Variants in MCM5 observed in about 807,000 individuals in gnomAD.
The protein encoded by MCM5 is DNA replication licensing factor MCM5.
In MCM5, 46 loss-of-function variants were observed where a neutral mutation model predicts 79.9. That is an observed-to-expected ratio of 0.58 (90% CI 0.45 to 0.74). The LOEUF (loss-of-function observed/expected upper bound fraction) is 0.74, where lower values mean the gene tolerates loss of function less well. Ranked by LOEUF, MCM5 falls within the 30% of genes least tolerant of loss-of-function variation. MCM5 has a pLI of 0.00. For synonymous variants in MCM5, 404 were observed against 390.5 expected (o/e 1.03, Z -0.41); for missense variants, 883 against 1,017.0 (o/e 0.87, Z 1.79).
chr22:35,454,892 A>C, the MCM5 span, among the ~76,000 whole-genome samples: 1 of 152,166 alleles, frequency 6.6e-6, no homozygotes, highest in African/African-American at 2.4e-5. Flanking sequence ...TGCCAGTAGC[A>C]TCCTTCAGTT....
chr22:35,438,828 TATTC>T, the MCM5 span, among the ~76,000 whole-genome samples: 1 of 91,802 alleles, frequency 1.1e-5, no homozygotes, highest in East Asian at 4.1e-4. Flanking sequence ...TCCATCCACA[TATTC>T]ATCCATTCAC....
rs779644537 is a variant in MCM5 at position 35,419,888 on chromosome 22, T to C, written c.1708T>C (p.Cys570Arg). ...CCTCTCCCCACTGTCCTGCAGGAAG[T>C]GTGGCCCCCGGCTGTCAGCAGAGGC... is the stretch of plus-strand genomic sequence containing the variant. ...KKFIAYCRVK[C>R]GPRLSAEAAE... is the part of the protein sequence containing the mutation. Residue 570 changes from cysteine (C) to arginine (R), a missense_variant, in exon 14 of 17, where the codon TGT (cysteine) becomes CGT (arginine). Cys to Arg is a radical substitution (Grantham distance 180). Around this residue, in one of 3 missense-constraint regions of MCM5, gnomAD observed 426 missense variants for 482.3 expected, o/e 0.88. Transcript: ENST00000216122. The C allele has an allele frequency of 6.2e-7, 1 of 1,611,258 alleles. No individual in the cohort carries two copies. Among genetic ancestry groups the C allele is most frequent in the Admixed American group, 1.7e-5 (1 of 59,726 alleles).
the MCM5 span, among the ~76,000 whole-genome samples, chr22:35,438,559 T>TCCATC: frequency 1.2e-5 from 1 of 82,804 alleles, no homozygotes; most frequent in Non-Finnish European, 2.2e-5. Context: ...ACTCACATAT[T>TCCATC]CATCCATCCA....
chr22:35,410,713 T>A, intron 6 of MCM5, 31 bp from the exon 7 acceptor site: 1 of 1,608,646 alleles, frequency 6.2e-7, no homozygotes, highest in Non-Finnish European at 8.5e-7. Context: ...GAATCTCAGC[T>A]TTTCTCCTTT....
chr22:35,430,192 T>G (rs940313035), downstream of MCM5, among the ~76,000 whole-genome samples: 5 of 152,190 alleles, frequency 3.3e-5, no homozygotes, highest in Non-Finnish European at 7.3e-5. Context: ...TTACACAGGG[T>G]GACGGAGTCC....
chr22:35,412,438 C>T (rs1446433801), intron 7 of MCM5, 72 bp from the exon 8 acceptor site: 19 of 1,316,170 alleles, frequency 1.4e-5, no homozygotes, highest in Non-Finnish European at 1.8e-5. Flanking sequence ...GGTCCCTGAG[C>T]TGGTGCCAGG....
At chr22:35,410,539 C>T in intron 6 of MCM5, 2 of 567,728 alleles carry the variant, frequency 3.5e-6, no homozygotes, top group Non-Finnish European at 3.2e-6. Flanking sequence ...CAACACCATC[C>T]TCCAAGCAGC....
At chr22:35,439,794 C>T in the MCM5 span, among the ~76,000 whole-genome samples, 1 of 152,156 alleles carries the variant, frequency 6.6e-6, no homozygotes, top group South Asian at 2.1e-4. Context: ...CCCCATTTTC[C>T]CCATCTGAAA....
intron 11 of MCM5, 47 bp from the exon 12 acceptor site, chr22:35,416,591 G>A: frequency 7.0e-7 from 1 of 1,422,582 alleles, no homozygotes; most frequent in Admixed American, 1.7e-5. Context: ...ATATAAGAAG[G>A]CATCTTTGCC....
chr22:35,408,270 T>C (rs773422697), intron 5 of MCM5, 138 bp from the exon 6 acceptor site: 15 of 708,658 alleles, frequency 2.1e-5, no homozygotes, highest in Non-Finnish European at 3.5e-5. Flanking sequence ...GTTGCCTGCC[T>C]GGCTTATCTC....
Position 35,416,658 on chromosome 22 carries a change from G to T in MCM5, c.1434G>T (p.Leu478=). Residue 478 remains leucine, a synonymous_variant, in exon 12 of 17, where the codon CTG becomes CTT. Coordinates refer to ENST00000216122, the MANE Select transcript of MCM5 (RefSeq NM_006739.4). ...GTTAGGCTGGGATCACCACCACCCT[G>T]AACTCCCGCTGCTCCGTCCTGGCTG... is the stretch of plus-strand genomic sequence containing the variant. The part of the protein sequence containing the change: ...SIAKAGITTT[L]NSRCSVLAAA... 1 of 1,613,714 alleles carries T rather than the reference G, an allele frequency of 6.2e-7. No individual in the cohort carries two copies.
intron 1 of MCM5, 97 bp downstream of exon 1, chr22:35,400,305 G>T: frequency 2.0e-6 from 2 of 986,514 alleles, no homozygotes; most frequent in East Asian, 2.4e-5. Context: ...GGGAACTGGG[G>T]TTGGAGTCCG....
chr22:35,413,346 A>G (rs1036682204), intron 8 of MCM5, among the ~76,000 whole-genome samples: 24 of 152,282 alleles, frequency 1.6e-4, no homozygotes, highest in African/African-American at 5.8e-4. Context: ...ACCCGGCCGC[A>G]CAGGCATTCT....
intron 2 of MCM5, chr22:35,401,237 T>C: frequency 5.3e-6 from 2 of 374,226 alleles, no homozygotes; most frequent in South Asian, 3.9e-5. Context: ...CAGATCTTGT[T>C]CCTGTTCATC....
In MCM5 at chr22:35,424,402, A is replaced by G; in HGVS notation, c.*147A>G. ...CCCTCCTTTCTGCCCCAGAGGAAGG[A>G]GCTGTAGTGTCCTGCTGCCTCTGGG... is the stretch of plus-strand genomic sequence containing the variant. On this transcript the variant is annotated 3_prime_UTR_variant, in exon 17 of 17. Coordinates refer to ENST00000216122, the MANE Select transcript of MCM5 (RefSeq NM_006739.4). The G allele has an allele frequency of 3.2e-6, 2 of 623,738 alleles. No homozygotes were observed. The highest frequency in any genetic ancestry group is 5.5e-6 in the Non-Finnish European group (2 of 365,724). The allele number at this position is 623,738 out of a possible 1,614,324, so 38.6% of individuals were successfully genotyped here.
At position 35,400,456 on chromosome 22, in the gene MCM5, T is replaced by G; in HGVS notation, c.18T>G (p.Asp6Glu). The change falls in exon 2 of 17, where the codon GAT becomes GAG. Residue 6 changes from aspartate (D) to glutamate (E), a missense_variant. Coordinates refer to ENST00000216122, the MANE Select transcript of MCM5 (RefSeq NM_006739.4). Reference protein sequence around the residue: MSGFDDPGIFYSDSFG... With the variant: MSGFDEPGIFYSDSFG... ...GCGCAGTCATGTCGGGATTCGACGATCCTGGCATTTTCTACAGCGACAGCT... is the reference window on the plus strand; with the variant it reads ...GCGCAGTCATGTCGGGATTCGACGAGCCTGGCATTTTCTACAGCGACAGCT... 6.2e-7 allele frequency: 1 copy of G among 1,614,068 alleles called. No individual in the cohort carries two copies. Among genetic ancestry groups the G allele is most frequent in the Non-Finnish European group, 8.5e-7 (1 of 1,179,960 alleles).
At position 35,425,215 on chromosome 22, in the gene MCM5, T is replaced by A. The variant is rs549203934; in HGVS notation, c.*960T>A. ...TCTGAGTTGGTATGTTTTGTGTTTT[T>A]AAAAAAGCTAGGATTCATAAAATTA... On this transcript the variant is annotated 3_prime_UTR_variant, in exon 17 of 17. Transcript: ENST00000216122. 10 of 152,234 alleles carry A rather than the reference T, an allele frequency of 6.6e-5. No individual in the cohort carries two copies. The South Asian group carries it at 2.1e-3, about 32-fold the overall frequency. The allele number at this position is 152,234 out of a possible 1,614,324, so 9.4% of individuals were successfully genotyped here.
chr22:35,422,858 T>C (rs577503723), intron 15 of MCM5: 10 of 168,762 alleles, frequency 5.9e-5, no homozygotes, highest in African/African-American at 1.9e-4. Context: ...ACTCTCTCTC[T>C]AATCTATCTG....
downstream of MCM5, among the ~76,000 whole-genome samples, chr22:35,426,716 G>T (rs1191743460): frequency 6.6e-6 from 1 of 152,178 alleles, no homozygotes; most frequent in Non-Finnish European, 1.5e-5. Context: ...CCCCGGGGAG[G>T]TGCTCCCAGG....
Sources: gnomAD v4.1 joint callset for allele counts (sites outside exome capture counted in the v4.1 genomes callset) on GRCh38, gnomAD v4.1.1 for gene constraint, gnomAD v4.1.1 regional missense constraint, MANE v1.5 for transcripts, NCBI Gene and HGNC (gene_info 2026-07-23, HGNC 2026-07-21) for gene names.